The following CCND3 variants were observed in gnomAD, a reference collection of about 807,000 sequenced individuals.
The protein encoded by CCND3 is cyclin D3, also known as G1/S-specific cyclin-D3.
CCND3 carries 9 observed loss-of-function variants against 28.7 expected under a neutral mutation model. The ratio of observed to expected loss-of-function variants is 0.31; its 90% CI spans 0.19 to 0.55. The LOEUF (loss-of-function observed/expected upper bound fraction) is 0.55, where lower values mean the gene tolerates loss of function less well. Ranked by LOEUF, CCND3 falls within the 20% of genes least tolerant of loss-of-function variation. The probability of loss-of-function intolerance (pLI) is 0.93; values close to 1 mark genes in which losing one functional copy is unlikely to be tolerated. For missense variants in CCND3, 315 were observed against 385.8 expected (o/e 0.82, Z 1.54); for synonymous variants, 164 against 163.9 (o/e 1.00, Z 0.00).
chr6:42,000,604 G>A (rs1464448100), intron 1 of CCND3, among the ~76,000 whole-genome samples: 1 of 86,344 alleles, frequency 1.2e-5, no homozygotes, highest in Non-Finnish European at 2.1e-5. Flanking sequence ...TTTCACTCTT[G>A]TTGCCCAGGC....
intron 1 of CCND3, among the ~76,000 whole-genome samples, chr6:42,019,548 A>G (rs566690685): frequency 6.6e-6 from 1 of 152,040 alleles, no homozygotes; most frequent in African/African-American, 2.4e-5. Context: ...AATGGTCCTA[A>G]CTTTGTAAAA....
chr6:42,036,990 A>G (rs770919962), intron 1 of CCND3, among the ~76,000 whole-genome samples: 1 of 151,940 alleles, frequency 6.6e-6, no homozygotes, highest in Non-Finnish European at 1.5e-5. Flanking sequence ...CCAGGCTGGA[A>G]TGCAGTGGCG....
In CCND3 at chr6:41,936,280, G is replaced by T; in HGVS notation, c.712-173C>A. On this transcript the variant is annotated intron_variant, in intron 4 of 4. Coordinates refer to ENST00000372991, the MANE Select transcript of CCND3 (RefSeq NM_001760.5). This position sits in a 1 kb window ranked among gnomAD's most constrained non-coding sequence, Gnocchi z 4.4. ...AAACTAGCAAGAGGATGTGGCAAGGGAGTGTGAGAGCAGCCCTGCATCTGA... is the reference window on the plus strand; with the variant it reads ...AAACTAGCAAGAGGATGTGGCAAGGTAGTGTGAGAGCAGCCCTGCATCTGA... 1 of 733,466 alleles carries T rather than the reference G, an allele frequency of 1.4e-6. No individual in the cohort carries two copies. Among genetic ancestry groups the T allele is most frequent in the Non-Finnish European group, 2.2e-6 (1 of 460,720 alleles). 45.4% of individuals were successfully genotyped at this position (733,466 alleles called of 1,614,324 possible).
rs1162806893 is a variant in CCND3 at position 42,036,377 on chromosome 6, C to CTATATA, written c.-46+12118_-46+12123dup. On this transcript the variant is annotated intron_variant, in intron 1 of 4. Coordinates refer to the CCND3 transcript ENST00000372988. ...TTGCCCAGGCTGGAGTGCATATATA[C>CTATATA]TATATATATATATATATATATATAT... is the stretch of plus-strand genomic sequence containing the variant. Among the ~76,000 whole-genome samples the CTATATA allele has an allele frequency of 3.1e-3, 184 of 59,578 alleles. 2 individuals carry two copies. Among genetic ancestry groups the CTATATA allele is most frequent in the South Asian group, 0.024 (24 of 1,018 alleles). 39.1% of individuals were successfully genotyped at this position (59,578 alleles called of 152,430 possible).
rs147682512 is a variant in CCND3 at position 41,950,614 on chromosome 6, G to T, written c.-45-10029C>A. Among the ~76,000 whole-genome samples the T allele has an allele frequency of 5.7e-3, 871 of 152,280 alleles. 12 individuals are homozygous for T. Among genetic ancestry groups the T allele is most frequent in the African/African-American group, 0.019 (790 of 41,576 alleles). On this transcript the variant is annotated intron_variant, in intron 1 of 4. Coordinates refer to the CCND3 transcript ENST00000372988. Reference sequence around the variant, plus strand: ...AGATAGCTGTGGTCATTAACAATCAGGTGCCTTATCATGTGCCTTCCATAC... The same window carrying T: ...AGATAGCTGTGGTCATTAACAATCATGTGCCTTATCATGTGCCTTCCATAC...
At chr6:41,940,808 G>A in intron 1 of CCND3, 1 of 945,564 alleles carries the variant, frequency 1.1e-6, no homozygotes, top group Admixed American at 1.8e-5. Context: ...ACGGGGGAGT[G>A]GTAAAGCCAA....
At chr6:41,972,931 G>A (rs1762074737) in intron 1 of CCND3, among the ~76,000 whole-genome samples, 1 of 151,800 alleles carries the variant, frequency 6.6e-6, no homozygotes, top group African/African-American at 2.4e-5. Context: ...AGGGGCAGAA[G>A]GGGCAAGGGA....
intron 1 of CCND3, among the ~76,000 whole-genome samples, chr6:41,946,959 C>T (rs1053375476): frequency 6.6e-6 from 1 of 151,996 alleles, no homozygotes; most frequent in Admixed American, 6.6e-5. Flanking sequence ...GTGGCTCACA[C>T]CTGTAATCCC....
intron 1 of CCND3, among the ~76,000 whole-genome samples, chr6:41,951,890 C>A (rs144859392): frequency 6.6e-6 from 1 of 152,076 alleles, no homozygotes; most frequent in Non-Finnish European, 1.5e-5. Flanking sequence ...TCCTAAGTAG[C>A]GGGGATTACA....
chr6:42,034,476 T>TTC (rs1411772262), intron 1 of CCND3, among the ~76,000 whole-genome samples: 1 of 114,140 alleles, frequency 8.8e-6, no homozygotes, highest in Non-Finnish European at 1.8e-5. Context: ...CTCTTTTTTT[T>TTC]TTTTTTTTTT....
chr6:41,979,466 G>A (rs1357643640), intron 1 of CCND3, among the ~76,000 whole-genome samples: 5 of 150,500 alleles, frequency 3.3e-5, no homozygotes, highest in African/African-American at 1.2e-4. Flanking sequence ...CCTGGGAGGT[G>A]GAGCTTGCAG....
At chr6:42,044,002 A>AT (rs2127442017) in intron 1 of CCND3, among the ~76,000 whole-genome samples, 1 of 152,354 alleles carries the variant, frequency 6.6e-6, no homozygotes, top group East Asian at 1.9e-4. Flanking sequence ...TCTGAAGGGC[A>AT]TAAAAGGCCA....
intron 1 of CCND3, among the ~76,000 whole-genome samples, chr6:41,982,695 A>G (rs1027935980): frequency 3.3e-4 from 50 of 152,184 alleles, no homozygotes; most frequent in African/African-American, 1.1e-3. Context: ...ATAAAGCAAC[A>G]GTAATCACGA....
chr6:42,033,337 C>A (rs1764097888), intron 1 of CCND3, among the ~76,000 whole-genome samples: 1 of 151,846 alleles, frequency 6.6e-6, no homozygotes, highest in Non-Finnish European at 1.5e-5. Context: ...GTAATCCCAG[C>A]TACTCGGAAG....
intron 1 of CCND3, among the ~76,000 whole-genome samples, chr6:41,949,996 G>A (rs891474901): frequency 2.7e-4 from 41 of 150,842 alleles, no homozygotes; most frequent in African/African-American, 8.8e-4. Flanking sequence ...CCAGCTACTC[G>A]GGAGGCTGAG....
chr6:41,970,942 G>C (rs1195641194), intron 1 of CCND3, among the ~76,000 whole-genome samples: 1 of 151,082 alleles, frequency 6.6e-6, no homozygotes, highest in Non-Finnish European at 1.5e-5. Context: ...CCTTGAGACA[G>C]AGTCTTGCTC....
In CCND3 at chr6:41,941,638, C is replaced by G; in HGVS notation, c.12G>C (p.Leu4=). 6.7e-7 allele frequency: 1 copy of G among 1,484,942 alleles called. No homozygotes were observed. The highest frequency in any genetic ancestry group is 9.0e-7 in the Non-Finnish European group (1 of 1,116,516). 92.0% of individuals were successfully genotyped at this position (1,484,942 alleles called of 1,614,324 possible). The change falls in exon 1 of 5, where the codon CTG becomes CTC. Residue 4 remains leucine, a synonymous_variant. Coordinates refer to ENST00000372991, the MANE Select transcript of CCND3 (RefSeq NM_001760.5). The surrounding 1 kb of genome is among the most constrained non-coding windows in gnomAD (Gnocchi z 6.1). ...GCGCGTGCCGGGTGCCTTCGCAACACAGCAGCTCCATACTCGGGCAGCGAA... is the reference window on the plus strand; with the variant it reads ...GCGCGTGCCGGGTGCCTTCGCAACAGAGCAGCTCCATACTCGGGCAGCGAA... MEL[L]CCEGTRHAPR...
In CCND3 at chr6:41,936,650, C is replaced by A; in HGVS notation, c.620G>T (p.Ser207Ile). Residue 207 changes from serine (S) to isoleucine (I), a missense_variant, in exon 4 of 5, where the codon AGC (serine) becomes ATC (isoleucine). Physicochemically the swap from Ser to Ile is moderately radical, Grantham distance 142. Coordinates refer to ENST00000372991, the MANE Select transcript of CCND3 (RefSeq NM_001760.5). The surrounding 1 kb of genome is among the most constrained non-coding windows in gnomAD (Gnocchi z 4.4). ...CAGGCCTTGCACTGCAGCCCCAATG[C>A]TGCCCGTGGCGATCATGGATGGCGG... ...MYPPSMIATG[S>I]IGAAVQGLGA... is the part of the protein sequence containing the mutation. The A allele has an allele frequency of 6.2e-7, 1 of 1,614,166 alleles. No individual in the cohort carries two copies. The highest frequency in any genetic ancestry group is 8.5e-7 in the Non-Finnish European group (1 of 1,179,996).
intron 1 of CCND3, among the ~76,000 whole-genome samples, chr6:41,982,656 G>A (rs1762381099): frequency 6.6e-6 from 1 of 152,072 alleles, no homozygotes; most frequent in Non-Finnish European, 1.5e-5. Flanking sequence ...AAGACAGAGG[G>A]CTGACACTAC....
Sources: allele counts gnomAD v4.1 joint callset (sites outside exome capture counted in the v4.1 genomes callset), GRCh38; gene constraint gnomAD v4.1.1; non-coding constraint Gnocchi (gnomAD v3.1); transcripts MANE v1.5; gene names NCBI Gene and HGNC (gene_info 2026-07-23, HGNC 2026-07-21).